Variants in GATAD2B observed in about 807,000 individuals in gnomAD.
The protein encoded by GATAD2B is transcriptional repressor p66-beta.
GATAD2B carries 8 observed loss-of-function variants against 64.3 expected under a neutral mutation model. That is an observed-to-expected ratio of 0.12 (90% confidence interval 0.07 to 0.22). The LOEUF (loss-of-function observed/expected upper bound fraction) is 0.22. GATAD2B is among the 10% of genes least tolerant of loss of function. The pLI is 1.00. For synonymous variants in GATAD2B, 281 were observed against 271.3 expected (o/e 1.04, Z -0.35); for missense variants, 453 against 752.0 (o/e 0.60, Z 4.65).
rs560479076 is a variant in GATAD2B at position 153,828,893 on chromosome 1, A to T, written c.-1-545T>A. Among the ~76,000 whole-genome samples the T allele has an allele frequency of 2.5e-3, 372 of 151,156 alleles. 2 individuals carry two copies. Among genetic ancestry groups the T allele is most frequent in the African/African-American group, 8.8e-3 (358 of 40,654 alleles). On this transcript the variant is annotated intron_variant, in intron 1 of 10. Coordinates refer to ENST00000368655, the MANE Select transcript of GATAD2B (RefSeq NM_020699.4). ...ATCATTATCTTCCCTTTTCACTTTG[A>T]TTTTTTTTACACTAACAAAATCTAA...
rs759482303 is a variant in GATAD2B at position 153,816,448 on chromosome 1, G to A, written c.1041C>T (p.Asn347=). The part of the protein sequence containing the change: ...PSPSAMTDAA[N]SQAAAKLALR... ...GAGCCAATTTGGCTGCAGCCTGTGA[G>A]TTGGCAGCATCAGTCATGGCGCTGG... The change falls in exon 7 of 11, where the codon AAC becomes AAT. Residue 347 remains asparagine (N), a synonymous_variant. Coordinates refer to ENST00000368655, the MANE Select transcript of GATAD2B (RefSeq NM_020699.4). The surrounding 1 kb of genome is among the most constrained non-coding windows in gnomAD (Gnocchi z 4.9). 10 of 1,614,206 alleles carry A rather than the reference G, an allele frequency of 6.2e-6. No homozygotes were observed. The highest frequency in any genetic ancestry group is 7.6e-6 in the Non-Finnish European group (9 of 1,179,998).
chr1:153,816,637 C>G lies in GATAD2B; in HGVS notation c.901-49G>C. 1 of 1,259,856 alleles carries G rather than the reference C, an allele frequency of 7.9e-7. No individual in the cohort carries two copies. The highest frequency in any genetic ancestry group is 1.1e-6 in the Non-Finnish European group (1 of 876,340). The allele number at this position is 1,259,856 out of a possible 1,614,324, so 78.0% of individuals were successfully genotyped here. On this transcript the variant is annotated intron_variant, in intron 6 of 10. Coordinates refer to ENST00000368655, the MANE Select transcript of GATAD2B (RefSeq NM_020699.4). This position sits in a 1 kb window ranked among gnomAD's most constrained non-coding sequence, Gnocchi z 4.9. ...CAATCATGGTATGCAGGAGAAAGGG[C>G]CAATTCTTACGTTCTTGGCAGAGGA...
At chr1:153,889,477 C>T (rs1677298063) in intron 1 of GATAD2B, among the ~76,000 whole-genome samples, 2 of 147,200 alleles carry the variant, frequency 1.4e-5, no homozygotes, top group Non-Finnish European at 3.0e-5. Context: ...TTATAAATCA[C>T]TCTGGGCAGG....
At chr1:153,906,190 C>T (rs1206416230) in intron 1 of GATAD2B, among the ~76,000 whole-genome samples, 1 of 150,804 alleles carries the variant, frequency 6.6e-6, no homozygotes, top group Non-Finnish European at 1.5e-5. Context: ...CTCTCTTGAT[C>T]TCACTTGATT....
chr1:153,817,341 G>A, intron 6 of GATAD2B, 31 bp downstream of exon 6: 1 of 1,481,412 alleles, frequency 6.8e-7, no homozygotes, highest in Non-Finnish European at 9.0e-7. Flanking sequence ...GGATTTCTCT[G>A]TTTCCACATT....
Position 153,850,694 on chromosome 1 carries a change from C to T in GATAD2B, c.-1-22346G>A, listed in dbSNP as rs538386564. The stretch of plus-strand genomic sequence containing the variant: ...CAGCACTTTGGGAGGCCTACGCAGG[C>T]GGATTGCTTGAGGTGAAGGAGTTTG... On this transcript the variant is annotated intron_variant, in intron 1 of 10. Coordinates refer to ENST00000368655, the MANE Select transcript of GATAD2B (RefSeq NM_020699.4). 1.2e-4 allele frequency among the ~76,000 whole-genome samples: 18 copies of T among 151,962 alleles called. 1 individual carries two copies. Among genetic ancestry groups the T allele is most frequent in the Admixed American group, 9.8e-4 (15 of 15,252 alleles).
Position 153,810,011 on chromosome 1 carries a change from G to A in GATAD2B, c.*166C>T. 1.6e-6 allele frequency: 1 copy of A among 628,068 alleles called. No homozygotes were observed. The highest frequency in any genetic ancestry group is 2.1e-5 in the South Asian group (1 of 48,042). The allele number at this position is 628,068 out of a possible 1,614,324, so 38.9% of individuals were successfully genotyped here. A position where few individuals can be genotyped will look rare whatever the true frequency, so the allele number is the denominator to read the frequency against. Reference sequence around the variant, plus strand: ...AAATAAAGGGGAGGTGGCAGGGCAGGGCGTGTGTTTTCTTGCTGATCTCTA... The same window carrying A: ...AAATAAAGGGGAGGTGGCAGGGCAGAGCGTGTGTTTTCTTGCTGATCTCTA... On this transcript the variant is annotated 3_prime_UTR_variant, in exon 11 of 11. Transcript: ENST00000368655.
chr1:153,817,550 GGAA>G lies in GATAD2B; in HGVS notation c.730-11_730-9del. The G allele has an allele frequency of 6.4e-7, 1 of 1,573,450 alleles. No individual in the cohort carries two copies. The highest frequency in any genetic ancestry group is 8.6e-7 in the Non-Finnish European group (1 of 1,161,312). On this transcript the variant is annotated splice_polypyrimidine_tract_variant and intron_variant, in intron 5 of 10. Transcript: ENST00000368655. Reference sequence around the variant, plus strand: ...ACGGATGACACTGTGACCCTGGAGGGGAAGAAGAGGAAAAGAACTAATCACAGG... The same window carrying G: ...ACGGATGACACTGTGACCCTGGAGGGGAAGAGGAAAAGAACTAATCACAGG...
chr1:153,857,702 G>A (rs533715147), intron 1 of GATAD2B, among the ~76,000 whole-genome samples: 71 of 152,188 alleles, frequency 4.7e-4, no homozygotes, highest in Non-Finnish European at 7.9e-4. Flanking sequence ...ATCAAGAAGC[G>A]CTGAAATCAT....
intron 1 of GATAD2B, among the ~76,000 whole-genome samples, chr1:153,879,762 C>CAAAA (rs71093298): frequency 8.4e-4 from 68 of 80,776 alleles, no homozygotes; most frequent in East Asian, 2.5e-3. Flanking sequence ...ACACTGTCTA[C>CAAAA]AAAAAAAAAA....
intron 1 of GATAD2B, among the ~76,000 whole-genome samples, chr1:153,915,664 G>A (rs1678241111): frequency 6.6e-6 from 1 of 150,816 alleles, no homozygotes; most frequent in Non-Finnish European, 1.5e-5. Flanking sequence ...GAACTCAGGA[G>A]GTGGAGGTTG....
intron 2 of GATAD2B, among the ~76,000 whole-genome samples, chr1:153,821,660 G>A (rs2101885222): frequency 6.6e-6 from 1 of 152,042 alleles, no homozygotes; most frequent in Middle Eastern, 3.4e-3. Flanking sequence ...TCCGTCTCCT[G>A]GGTTCAAGTG....
intron 2 of GATAD2B, among the ~76,000 whole-genome samples, chr1:153,821,460 GAC>G (rs1674681310): frequency 1.3e-5 from 2 of 152,278 alleles, no homozygotes; most frequent in Admixed American, 6.5e-5. Flanking sequence ...GCTGGCCACA[GAC>G]ACAGCAAGCT....
intron 1 of GATAD2B, among the ~76,000 whole-genome samples, chr1:153,921,156 A>T (rs777396967): frequency 1.1e-4 from 17 of 152,198 alleles, no homozygotes; most frequent in Non-Finnish European, 2.5e-4. Context: ...GACTGCAAGG[A>T]AGAGTTCAGG....
chr1:153,827,245 CAA>C (rs545259062), intron 2 of GATAD2B, among the ~76,000 whole-genome samples: 43 of 49,336 alleles, frequency 8.7e-4, no homozygotes, highest in Non-Finnish European at 1.2e-3. Flanking sequence ...GACCTTGCCT[CAA>C]AAAAAAAAAA....
chr1:153,825,180 TC>T (rs1160946138), intron 2 of GATAD2B, among the ~76,000 whole-genome samples: 1 of 152,176 alleles, frequency 6.6e-6, no homozygotes, highest in African/African-American at 2.4e-5. Context: ...TAACTCTTTC[TC>T]CCCAATGAAG....
rs1317090286 is a variant in GATAD2B at position 153,818,181 on chromosome 1, G to A, written c.598-10C>T. 1 of 1,586,568 alleles carries A rather than the reference G, an allele frequency of 6.3e-7. No homozygotes were observed. On this transcript the variant is annotated splice_polypyrimidine_tract_variant and intron_variant, in intron 4 of 10. Coordinates refer to ENST00000368655, the MANE Select transcript of GATAD2B (RefSeq NM_020699.4). Reference sequence around the variant, plus strand: ...TCTGTACAACTGGAGTCTGGGAGAGGGAAGAGAAAATAAGACTGTGGCCAA... The same window carrying A: ...TCTGTACAACTGGAGTCTGGGAGAGAGAAGAGAAAATAAGACTGTGGCCAA...
At chr1:153,855,949 C>T (rs953831505) in intron 1 of GATAD2B, among the ~76,000 whole-genome samples, 8 of 152,198 alleles carry the variant, frequency 5.3e-5, no homozygotes, top group Non-Finnish European at 8.8e-5. Flanking sequence ...TCCCAAAGTG[C>T]TGGGATTACA....
intron 3 of GATAD2B, among the ~76,000 whole-genome samples, chr1:153,819,377 A>G (rs1674594068): frequency 6.6e-6 from 1 of 152,222 alleles, no homozygotes; most frequent in Non-Finnish European, 1.5e-5. Context: ...CCAAAGATAA[A>G]TAACACTGAG....
Sources: gnomAD v4.1 joint callset for allele counts (sites outside exome capture counted in the v4.1 genomes callset) on GRCh38, gnomAD v4.1.1 for gene constraint, Gnocchi (gnomAD v3.1) non-coding constraint, MANE v1.5 for transcripts, NCBI Gene and HGNC (gene_info 2026-07-23, HGNC 2026-07-21) for gene names.